DCAF12L2: variants seen among roughly 807,000 people sequenced by gnomAD.
DCAF12L2 encodes DDB1- and CUL4-associated factor 12-like protein 2.
A neutral mutation model predicts 20.2 loss-of-function variants in DCAF12L2; 16 were observed. The ratio of observed to expected loss-of-function variants is 0.79; its 90% CI spans 0.54 to 1.20. The LOEUF (loss-of-function observed/expected upper bound fraction) is 1.20, where lower values mean the gene tolerates loss of function less well. DCAF12L2 is among the 50% of genes most tolerant of loss of function. The pLI, the probability that DCAF12L2 is intolerant of heterozygous loss-of-function variation, is 0.00. For synonymous variants in DCAF12L2, 195 were observed against 190.0 expected (o/e 1.03, Z -0.22); for missense variants, 355 against 404.8 (o/e 0.88, Z 1.06).
At position 126,164,391 on chromosome X, in the gene DCAF12L2, C is replaced by T; in HGVS notation, c.*142G>A. The T allele has an allele frequency of 1.3e-6, 1 of 757,580 alleles. No homozygotes were observed. Among genetic ancestry groups the T allele is most frequent in the South Asian group, 3.0e-5 (1 of 33,429 alleles). The allele number at this position is 757,580 out of a possible 1,213,427, so 62.4% of individuals were successfully genotyped here. On this transcript the variant is annotated 3_prime_UTR_variant, in exon 1 of 1. Transcript: ENST00000360028. ...TCTCTCTTTCTTTCTCTGCCTAATA[C>T]ATTAAGCACACGTAAGTTGGACTGG...
rs1927828382 is a variant in DCAF12L2 at position 126,165,908 on chromosome X, G to A, written c.17C>T (p.Thr6Ile). The A allele has an allele frequency of 4.2e-6, 5 of 1,200,328 alleles. No homozygotes were observed. Among genetic ancestry groups the A allele is most frequent in the Non-Finnish European group, 5.6e-6 (5 of 893,952 alleles). Reference protein sequence around the residue: MAQQQTGSRKRKAPAV... With the variant: MAQQQIGSRKRKAPAV... ...GGGCGCTTTCCGTTTCCTGCTACCT[G>A]TTTGCTGCTGGGCCATGGTGGGCGG... Residue 6 changes from threonine (T) to isoleucine (I), a missense_variant, in exon 1 of 1, where the codon ACA becomes ATA. Coordinates refer to ENST00000360028, the MANE Select transcript of DCAF12L2 (RefSeq NM_001013628.3).
chrX:126,165,788 G>T lies in DCAF12L2; in HGVS notation c.137C>A (p.Ala46Glu). 1 of 1,208,579 alleles carries T rather than the reference G, an allele frequency of 8.3e-7. No individual in the cohort carries two copies. ...ATAGTGCACCAGCCTGCGACGCGTC[G>T]CCGGCCGCTTCTGCTTCTTGGGTAG... The part of the protein sequence containing the change: ...PLLPKKQKRP[A>E]TRRRLVHYLK... The change falls in exon 1 of 1, where the codon GCG becomes GAG. Residue 46 changes from alanine (A) to glutamate (E), a missense_variant. Ala to Glu is a moderately radical substitution (Grantham distance 107). Transcript: ENST00000360028.
Position 126,164,979 on chromosome X carries a change from C to T in DCAF12L2, c.946G>A (p.Asp316Asn). The stretch of plus-strand genomic sequence containing the variant: ...CCCACAGCGTACAGGGACAACTCAT[C>T]ACAGTAGGTCAGGCACACATTCTCT... The part of the protein sequence containing the change: ...CRENVCLTYC[D>N]ELSLYAVGSQ... Residue 316 changes from aspartate (D) to asparagine (N), a missense_variant, in exon 1 of 1, where the codon GAT becomes AAT. By Grantham distance (23) the Asp-to-Asn change is conservative. Coordinates refer to ENST00000360028, the MANE Select transcript of DCAF12L2 (RefSeq NM_001013628.3). The T allele has an allele frequency of 8.2e-7, 1 of 1,212,186 alleles. No individual in the cohort carries two copies. The highest frequency in any genetic ancestry group is 1.1e-6 in the Non-Finnish European group (1 of 895,627).
At position 126,165,673 on chromosome X, in the gene DCAF12L2, G is replaced by A; in HGVS notation, c.252C>T (p.Pro84=). 8.3e-7 allele frequency: 1 copy of A among 1,211,559 alleles called. No individual in the cohort carries two copies. The highest frequency in any genetic ancestry group is 1.7e-5 in the African/African-American group (1 of 57,964). ...CCAGCTGGCGCTCCGTCAGCAGCTC[G>A]GGCAGCCTCTGGACGGCGTAGCCCC... The part of the protein sequence containing the change: ...ELRGYAVQRL[P]ELLTERQLDL... The change falls in exon 1 of 1, where the codon CCC becomes CCT. Residue 84 remains proline, a synonymous_variant. Coordinates refer to ENST00000360028, the MANE Select transcript of DCAF12L2 (RefSeq NM_001013628.3).
In DCAF12L2 at chrX:126,165,696, C is replaced by G. The variant is rs753355580; in HGVS notation, c.229G>C (p.Gly77Arg). ...TCGGGCAGCCTCTGGACGGCGTAGC[C>G]CCGCAGCTCGCCCTCGAAGCCCTGG... ...GLQGFEGELR[G>R]YAVQRLPELL... Residue 77 changes from glycine (G) to arginine (R), a missense_variant, in exon 1 of 1, where the codon GGC becomes CGC. Physicochemically the swap from Gly to Arg is moderately radical, Grantham distance 125. Coordinates refer to ENST00000360028, the MANE Select transcript of DCAF12L2 (RefSeq NM_001013628.3). The G allele has an allele frequency of 1.1e-5, 13 of 1,210,954 alleles. No homozygotes were observed. The Admixed American group carries it at 2.8e-4, about 26-fold the overall frequency.
rs1462652626 is a variant in DCAF12L2 at position 126,165,541 on chromosome X, G to A, written c.384C>T (p.Gly128=). ...NTLFVVDVQS[G]HITRIPLMRD... is the part of the protein sequence containing the mutation. ...GCATGAGGGGGATGCGCGTGATGTGGCCTGACTGCACGTCCACCACAAACA... is the reference window on the plus strand; with the variant it reads ...GCATGAGGGGGATGCGCGTGATGTGACCTGACTGCACGTCCACCACAAACA... Residue 128 remains glycine (G), a synonymous_variant, in exon 1 of 1, where the codon GGC becomes GGT. Coordinates refer to ENST00000360028, the MANE Select transcript of DCAF12L2 (RefSeq NM_001013628.3). 2 of 1,212,464 alleles carry A rather than the reference G, an allele frequency of 1.6e-6. No individual in the cohort carries two copies. Among genetic ancestry groups the A allele is most frequent in the Non-Finnish European group, 1.1e-6 (1 of 895,562 alleles).
At position 126,164,622 on chromosome X, in the gene DCAF12L2, A is replaced by T; in HGVS notation, c.1303T>A (p.Cys435Ser). The change falls in exon 1 of 1, where the codon TGC becomes AGC. Residue 435 changes from cysteine (C) to serine (S), a missense_variant. Coordinates refer to ENST00000360028, the MANE Select transcript of DCAF12L2 (RefSeq NM_001013628.3). ...GEFPNALYTH[C>S]YNWPEMKLFV... ...AGCTTCATCTCCGGCCAGTTGTAGC[A>T]GTGGGTGTAGAGCGCATTGGGGAAC... 8.2e-7 allele frequency: 1 copy of T among 1,212,236 alleles called. No individual in the cohort carries two copies. Among genetic ancestry groups the T allele is most frequent in the Non-Finnish European group, 1.1e-6 (1 of 895,599 alleles).
At position 126,164,848 on chromosome X, in the gene DCAF12L2, G is replaced by A. The variant is rs61743114; in HGVS notation, c.1077C>T (p.Tyr359=). The A allele has an allele frequency of 4.0e-3, 4,792 of 1,211,213 alleles. 79 individuals are homozygous for A. In the African/African-American group the frequency reaches 0.059, roughly 15 times the overall value. ...CGGTGCCCACAGTGATGATGTGCTG[G>A]TAGAAGCTCAGCGACCGCACGCCTG... The part of the protein sequence containing the change: ...GGTGVRSLSF[Y]QHIITVGTGH... The change falls in exon 1 of 1, where the codon TAC becomes TAT. Residue 359 remains tyrosine (Y), a synonymous_variant. Coordinates refer to ENST00000360028, the MANE Select transcript of DCAF12L2 (RefSeq NM_001013628.3).
chrX:126,166,127 TCGGCGG>T lies in DCAF12L2; in HGVS notation c.-209_-204del. On this transcript the variant is annotated 5_prime_UTR_variant, in exon 1 of 1. Transcript: ENST00000360028. ...GGGCGCCCAGACTTCAGTCTGAGGC[TCGGCGG>T]CGGCGGCGGCGGCAGCGGTCGTCCT... 1 of 295,275 alleles carries T rather than the reference TCGGCGG, an allele frequency of 3.4e-6. No individual in the cohort carries two copies. Among genetic ancestry groups the T allele is most frequent in the Non-Finnish European group, 4.4e-6 (1 of 227,120 alleles). The allele number at this position is 295,275 out of a possible 1,213,427, so 24.3% of individuals were successfully genotyped here.
chrX:126,165,819 GC>G lies in DCAF12L2; in HGVS notation c.105del (p.Pro36LeufsTer20), dbSNP rs1413083666. On this transcript the variant is annotated frameshift_variant, in exon 1 of 1. Coordinates refer to ENST00000360028, the MANE Select transcript of DCAF12L2 (RefSeq NM_001013628.3). LOFTEE classifies it high-confidence loss of function. Reference sequence around the variant, plus strand: ...CGCTTCTGCTTCTTGGGTAGCAGAGGCCCCTCTCCGTCCGCCGCCGCTAAAC... The same window carrying G: ...CGCTTCTGCTTCTTGGGTAGCAGAGGCCCTCTCCGTCCGCCGCCGCTAAAC... ...SQGLAAADGE[G>X]PLLPKKQKRP... 8.3e-7 allele frequency: 1 copy of G among 1,205,892 alleles called. No homozygotes were observed. The highest frequency in any genetic ancestry group is 1.7e-5 in the African/African-American group (1 of 57,291).
chrX:126,165,809 G>A lies in DCAF12L2; in HGVS notation c.116C>T (p.Pro39Leu). Reference sequence around the variant, plus strand: ...CGTCGCCGGCCGCTTCTGCTTCTTGGGTAGCAGAGGCCCCTCTCCGTCCGC... The same window carrying A: ...CGTCGCCGGCCGCTTCTGCTTCTTGAGTAGCAGAGGCCCCTCTCCGTCCGC... ...AAADGEGPLL[P>L]KKQKRPATRR... Residue 39 changes from proline (P) to leucine (L), a missense_variant, in exon 1 of 1, where the codon CCC becomes CTC. By Grantham distance (98) the Pro-to-Leu change is moderately conservative. Coordinates refer to ENST00000360028, the MANE Select transcript of DCAF12L2 (RefSeq NM_001013628.3). 1 of 1,208,579 alleles carries A rather than the reference G, an allele frequency of 8.3e-7. No homozygotes were observed. Among genetic ancestry groups the A allele is most frequent in the Non-Finnish European group, 1.1e-6 (1 of 895,039 alleles).
chrX:126,164,673 C>T lies in DCAF12L2; in HGVS notation c.1252G>A (p.Val418Met). 1 of 1,212,273 alleles carries T rather than the reference C, an allele frequency of 8.2e-7. No homozygotes were observed. The highest frequency in any genetic ancestry group is 1.1e-6 in the Non-Finnish European group (1 of 895,595). Residue 418 changes from valine to methionine, a missense_variant, in exon 1 of 1, where the codon GTG becomes ATG. Transcript: ENST00000360028. ...TCTCCCATGCCACCAAAGTAGTTCACCCAGACGTCATCTTGGTTGAGCCAG... is the reference window on the plus strand; with the variant it reads ...TCTCCCATGCCACCAAAGTAGTTCATCCAGACGTCATCTTGGTTGAGCCAG... ...RGWLNQDDVW[V>M]NYFGGMGEFP...
In DCAF12L2 at chrX:126,165,264, G is replaced by A; in HGVS notation, c.661C>T (p.Arg221Trp). ...GSRDGTVALWRMDPDMFNGSI... is the reference protein window; with the variant it reads ...GSRDGTVALWWMDPDMFNGSI... Reference sequence around the variant, plus strand: ...CCATTAAACATGTCTGGGTCCATCCGCCACAGAGCCACGGTGCCGTCGCGG... The same window carrying A: ...CCATTAAACATGTCTGGGTCCATCCACCACAGAGCCACGGTGCCGTCGCGG... The change falls in exon 1 of 1, where the codon CGG (arginine) becomes TGG (tryptophan). Residue 221 changes from arginine to tryptophan, a missense_variant. Transcript: ENST00000360028. The A allele has an allele frequency of 1.7e-6, 2 of 1,212,059 alleles. No homozygotes were observed. Among genetic ancestry groups the A allele is most frequent in the Non-Finnish European group, 2.2e-6 (2 of 895,565 alleles).
Position 126,165,741 on chromosome X carries a change from C to T in DCAF12L2, c.184G>A (p.Ala62Thr), listed in dbSNP as rs768465522. Residue 62 changes from alanine to threonine, a missense_variant, in exon 1 of 1, where the codon GCG (alanine) becomes ACG (threonine). Ala to Thr is a moderately conservative substitution (Grantham distance 58). Coordinates refer to ENST00000360028, the MANE Select transcript of DCAF12L2 (RefSeq NM_001013628.3). Reference sequence around the variant, plus strand: ...CCCTGGAGCCCGGCTGGGCCCCGCGCTCCTACCTCCCGGCCCTTCAGATAG... The same window carrying T: ...CCCTGGAGCCCGGCTGGGCCCCGCGTTCCTACCTCCCGGCCCTTCAGATAG... ...VHYLKGREVG[A>T]RGPAGLQGFE... 1.3e-5 allele frequency: 16 copies of T among 1,210,025 alleles called. No individual in the cohort carries two copies. The highest frequency in any genetic ancestry group is 1.7e-5 in the African/African-American group (1 of 57,885).
In DCAF12L2 at chrX:126,165,964, G is replaced by A. The variant is rs1323237654; in HGVS notation, c.-40C>T. 3.5e-6 allele frequency: 3 copies of A among 860,091 alleles called. No homozygotes were observed. Among genetic ancestry groups the A allele is most frequent in the Non-Finnish European group, 4.2e-6 (3 of 709,624 alleles). 70.9% of individuals were successfully genotyped at this position (860,091 alleles called of 1,213,427 possible). Reference sequence around the variant, plus strand: ...GATCTGCAGCAGCGGCGGCGGCGGCGGCGGCGGCGGCGGCGGCCCGGCGGC... The same window carrying A: ...GATCTGCAGCAGCGGCGGCGGCGGCAGCGGCGGCGGCGGCGGCCCGGCGGC... On this transcript the variant is annotated 5_prime_UTR_variant, in exon 1 of 1. Transcript: ENST00000360028.
chrX:126,165,107 T>G lies in DCAF12L2; in HGVS notation c.818A>C (p.Lys273Thr). Reference protein sequence around the residue: ...RKVRALAFSGKNQELGAVSLD... With the variant: ...RKVRALAFSGTNQELGAVSLD... ...GGACACCGCTCCCAGCTCCTGGTTC[T>G]TGCCGCTGAAGGCCAGGGCCCGTAC... The change falls in exon 1 of 1, where the codon AAG becomes ACG. Residue 273 changes from lysine (K) to threonine (T), a missense_variant. Coordinates refer to ENST00000360028, the MANE Select transcript of DCAF12L2 (RefSeq NM_001013628.3). 1 of 1,211,942 alleles carries G rather than the reference T, an allele frequency of 8.3e-7. No individual in the cohort carries two copies. The highest frequency in any genetic ancestry group is 1.1e-6 in the Non-Finnish European group (1 of 895,339).
chrX:126,165,775 C>A lies in DCAF12L2; in HGVS notation c.150G>T (p.Arg50Ser). ...CCCGGCCCTTCAGATAGTGCACCAG[C>A]CTGCGACGCGTCGCCGGCCGCTTCT... Reference protein sequence around the residue: ...KKQKRPATRRRLVHYLKGREV... With the variant: ...KKQKRPATRRSLVHYLKGREV... The change falls in exon 1 of 1, where the codon AGG becomes AGT. Residue 50 changes from arginine (R) to serine (S), a missense_variant. Physicochemically the swap from Arg to Ser is moderately radical, Grantham distance 110 (BLOSUM62 -1). Transcript: ENST00000360028. 11 of 1,209,439 alleles carry A rather than the reference C, an allele frequency of 9.1e-6. No homozygotes were observed. Among genetic ancestry groups the A allele is most frequent in the Non-Finnish European group, 1.2e-5 (11 of 895,074 alleles).
rs779084575 is a variant in DCAF12L2, at chrX:126,165,586, G to A, written c.339C>T (p.Cys113=). 4.1e-6 allele frequency: 5 copies of A among 1,212,192 alleles called. No homozygotes were observed. The highest frequency in any genetic ancestry group is 5.6e-6 in the Non-Finnish European group (5 of 895,488). ...SQWLNARQVV[C]GTKCNTLFVV... ...CAAACAGCGTATTACACTTGGTGCC[G>A]CACACCACCTGCCTGGCGTTCAGCC... is the stretch of plus-strand genomic sequence containing the variant. Residue 113 remains cysteine, a synonymous_variant, in exon 1 of 1, where the codon TGC becomes TGT. Transcript: ENST00000360028.
rs773361677 is a variant in DCAF12L2, at chrX:126,165,870, C to T, written c.55G>A (p.Gly19Arg). ...RKRKAPAVEA[G>R]AGSSSSQGLA... ...CCCTGCGACGACGAGCTCCCGGCTC[C>T]CGCCTCGACCGCGGGCGCTTTCCGT... Residue 19 changes from glycine (G) to arginine (R), a missense_variant, in exon 1 of 1, where the codon GGA (glycine) becomes AGA (arginine). Gly to Arg is a moderately radical substitution (Grantham distance 125). Transcript: ENST00000360028. The T allele has an allele frequency of 5.7e-5, 69 of 1,204,630 alleles. No individual in the cohort carries two copies. The South Asian group carries it at 1.2e-3, about 21-fold the overall frequency.
Sources: allele counts gnomAD v4.1 joint callset, GRCh38; gene constraint gnomAD v4.1.1; transcripts MANE v1.5; gene names NCBI Gene and HGNC (gene_info 2026-07-23, HGNC 2026-07-21).